The following C17orf67 variants were observed in gnomAD, a reference collection of about 807,000 sequenced individuals.
The protein encoded by C17orf67 is uncharacterized protein C17orf67.
In C17orf67, 12 loss-of-function variants were observed where a neutral mutation model predicts 11.2. That is an observed-to-expected ratio of 1.07 (90% CI 0.68 to 1.73). The LOEUF (loss-of-function observed/expected upper bound fraction) is 1.73, where lower values mean the gene tolerates loss of function less well. Among genes scored for constraint, C17orf67 ranks in the 40% most tolerant of loss-of-function variants. The pLI is 0.00. For missense variants in C17orf67, 115 were observed against 113.5 expected (o/e 1.01, Z -0.06); for synonymous variants, 59 against 46.9 (o/e 1.26, Z -1.05).
chr17:56,804,119 A>G (rs1315885477), intron 6 of C17orf67: 11 of 152,208 alleles, frequency 7.2e-5, no homozygotes, highest in Admixed American at 7.2e-4. Context: ...AACAAAAACC[A>G]GTATCTGTGT....
intron 6 of C17orf67, among the ~76,000 whole-genome samples, chr17:56,809,763 C>A (rs1905553641): frequency 6.8e-6 from 1 of 146,456 alleles, no homozygotes; most frequent in South Asian, 2.3e-4. Flanking sequence ...TCACACACAC[C>A]CCTCTACACA....
intron 6 of C17orf67, among the ~76,000 whole-genome samples, chr17:56,803,085 C>A (rs1391462942): frequency 6.6e-6 from 1 of 152,194 alleles, no homozygotes; most frequent in African/African-American, 2.4e-5. Flanking sequence ...CTGAAGAATG[C>A]CCTGGTGAAA....
intron 6 of C17orf67, among the ~76,000 whole-genome samples, chr17:56,807,047 G>A (rs1404370298): frequency 6.6e-6 from 1 of 152,228 alleles, no homozygotes; most frequent in African/African-American, 2.4e-5. Context: ...GTGTGGAGTA[G>A]ACAGTCATGT....
intron 6 of C17orf67, chr17:56,803,924 C>CT (rs1244664154): frequency 4.6e-5 from 7 of 152,116 alleles, no homozygotes; most frequent in African/African-American, 7.2e-5. Flanking sequence ...TTAGTCAAAT[C>CT]AAAAGGCAAA....
chr17:56,831,739 TC>T (rs1351520321), intron 2 of C17orf67, among the ~76,000 whole-genome samples: 5 of 152,086 alleles, frequency 3.3e-5, no homozygotes. Context: ...TAAGACAGCC[TC>T]CACCAAACAC....
chr17:56,818,808 T>C (rs923649054), intron 4 of C17orf67, among the ~76,000 whole-genome samples: 20 of 151,888 alleles, frequency 1.3e-4, no homozygotes, highest in South Asian at 2.1e-4. Context: ...TTTACACTTA[T>C]ACATTTCAAG....
intron 6 of C17orf67, among the ~76,000 whole-genome samples, chr17:56,809,431 AG>A (rs1468927728): frequency 2.6e-5 from 4 of 151,986 alleles, no homozygotes; most frequent in Non-Finnish European, 5.9e-5. Flanking sequence ...AAAGTAGAAG[AG>A]GGGGCTGGAA....
chr17:56,823,485 A>C (rs534039701), intron 4 of C17orf67, among the ~76,000 whole-genome samples: 4 of 152,328 alleles, frequency 2.6e-5, no homozygotes, highest in African/African-American at 9.6e-5. Context: ...TAAGAGACCA[A>C]AGTTTTGCTT....
intron 3 of C17orf67, 101 bp from the exon 4 acceptor site, chr17:56,824,954 T>G (rs1905989800): frequency 6.6e-6 from 1 of 152,260 alleles, no homozygotes; most frequent in Non-Finnish European, 1.5e-5. Context: ...ACAAGAGCTC[T>G]CAAATCTTCA....
At chr17:56,814,308 G>T (rs1274406308) in intron 6 of C17orf67, among the ~76,000 whole-genome samples, 15 of 152,166 alleles carry the variant, frequency 9.9e-5, no homozygotes, top group Non-Finnish European at 1.8e-4. Context: ...TCCGGGGCCA[G>T]CATAGCAGGG....
chr17:56,830,242 G>A (rs958678440), intron 2 of C17orf67, among the ~76,000 whole-genome samples: 1 of 152,122 alleles, frequency 6.6e-6, no homozygotes, highest in African/African-American at 2.4e-5. Flanking sequence ...CTACTCGGGA[G>A]GCTGAGGCAA....
At chr17:56,809,793 CCTCA>C (rs1567795940) in intron 6 of C17orf67, among the ~76,000 whole-genome samples, 1 of 145,238 alleles carries the variant, frequency 6.9e-6, no homozygotes, top group Non-Finnish European at 1.5e-5. Flanking sequence ...TACACAGACC[CCTCA>C]CACACCCCTT....
chr17:56,799,399 C>T (rs1051561740), intron 6 of C17orf67, among the ~76,000 whole-genome samples: 6 of 152,128 alleles, frequency 3.9e-5, no homozygotes, highest in African/African-American at 1.4e-4. Flanking sequence ...CATGTCTTTC[C>T]GTGGCTTGAT....
At chr17:56,828,853 CA>C (rs11346468) in intron 2 of C17orf67, among the ~76,000 whole-genome samples, 75,612 of 122,886 alleles carry the variant, frequency 0.62, 20,995 homozygotes, top group East Asian at 0.85. Context: ...ACAGTGATGA[CA>C]AAAAAAAAAA....
At chr17:56,799,464 T>C (rs1208897205) in intron 6 of C17orf67, among the ~76,000 whole-genome samples, 4 of 152,258 alleles carry the variant, frequency 2.6e-5, no homozygotes, top group Admixed American at 2.6e-4. Flanking sequence ...GTATCATAGT[T>C]TATTTATTCA....
intron 2 of C17orf67, among the ~76,000 whole-genome samples, chr17:56,829,687 C>T (rs1357330248): frequency 6.6e-6 from 1 of 152,196 alleles, no homozygotes; most frequent in East Asian, 1.9e-4. Context: ...CTGCAGCCAG[C>T]TCCTTCATGG....
In C17orf67 at chr17:56,809,610, C is replaced by G. The variant is rs118103550; in HGVS notation, c.156+5259G>C. Among the ~76,000 whole-genome samples, 539 of 140,024 alleles carry G rather than the reference C, an allele frequency of 3.8e-3. 20 individuals carry two copies. The East Asian group carries it at 0.087, about 23-fold the overall frequency. The allele number at this position is 140,024 out of a possible 152,430, so 91.9% of individuals were successfully genotyped here. A position where few individuals can be genotyped will look rare whatever the true frequency, so the allele number is the denominator to read the frequency against. On this transcript the variant is annotated intron_variant, in intron 6 of 7. Transcript: ENST00000397861. ...ACACACACCCCTCACACACAACCCT[C>G]ACGCGCACACACACCCACACACACA...
intron 6 of C17orf67, among the ~76,000 whole-genome samples, chr17:56,796,429 C>T (rs1905214945): frequency 6.6e-6 from 1 of 152,218 alleles, no homozygotes; most frequent in Non-Finnish European, 1.5e-5. Context: ...TGCTAAGTGA[C>T]AGAAGCCACT....
chr17:56,819,696 G>A (rs933464545), intron 4 of C17orf67, among the ~76,000 whole-genome samples: 15 of 152,138 alleles, frequency 9.9e-5, no homozygotes, highest in African/African-American at 2.2e-4. Flanking sequence ...TAGAAAGACC[G>A]AAAGAGCAAA....
Sources: gnomAD v4.1 joint callset for allele counts (sites outside exome capture counted in the v4.1 genomes callset) on GRCh38, gnomAD v4.1.1 for gene constraint, MANE v1.5 for transcripts, NCBI Gene and HGNC (gene_info 2026-07-23, HGNC 2026-07-21) for gene names.